Variants in ANKFN1 observed in about 807,000 individuals in gnomAD.
ANKFN1 encodes ankyrin repeat and fibronectin type-III domain-containing protein 1.
In ANKFN1, 74 loss-of-function variants were observed where a neutral mutation model predicts 108.7. The ratio of observed to expected loss-of-function variants is 0.68; its 90% confidence interval spans 0.56 to 0.83. The LOEUF is 0.83. ANKFN1 is among the 40% of genes least tolerant of loss of function. ANKFN1 has a pLI of 0.00. For synonymous variants in ANKFN1, 547 were observed against 516.2 expected (o/e 1.06, Z -0.81); for missense variants, 1,505 against 1,382.3 (o/e 1.09, Z -1.41).
intron 4 of ANKFN1, among the ~76,000 whole-genome samples, chr17:56,344,700 C>T (rs2046050600): frequency 6.6e-6 from 1 of 151,912 alleles, no homozygotes; most frequent in Admixed American, 6.6e-5. Flanking sequence ...GCTATTAGCC[C>T]TTCATGAGCT....
At chr17:56,338,481 G>C (rs540915077) in intron 4 of ANKFN1, among the ~76,000 whole-genome samples, 1 of 152,158 alleles carries the variant, frequency 6.6e-6, no homozygotes, top group East Asian at 1.9e-4. Context: ...TGTAATGATA[G>C]ACTTCAACCT....
At chr17:56,105,038 C>A (rs1442329852) in intron 4 of ANKFN1, among the ~76,000 whole-genome samples, 3 of 152,058 alleles carry the variant, frequency 2.0e-5, no homozygotes, top group Non-Finnish European at 2.9e-5. Context: ...TGGAGAATGA[C>A]AAATAGTTTA....
At chr17:56,399,429 A>AT (rs200485693) in intron 8 of ANKFN1, among the ~76,000 whole-genome samples, 21 of 147,454 alleles carry the variant, frequency 1.4e-4, no homozygotes, top group East Asian at 7.9e-4. Flanking sequence ...ACACAGGCTC[A>AT]TTTTTTTTTT....
intron 4 of ANKFN1, among the ~76,000 whole-genome samples, chr17:56,074,290 A>G (rs1238303376): frequency 1.3e-5 from 2 of 152,176 alleles, no homozygotes; most frequent in East Asian, 1.9e-4. Context: ...GACCCAGCGG[A>G]TATAACCTGC....
At position 56,513,234 on chromosome 17, in the gene ANKFN1, A is replaced by G. The variant is rs985841053; in HGVS notation, c.*1965A>G. ...GATTGTTATCTACAGGGAATCTCCTATTTTGTAGATCATCTACCTACTTCT... is the reference window on the plus strand; with the variant it reads ...GATTGTTATCTACAGGGAATCTCCTGTTTTGTAGATCATCTACCTACTTCT... On this transcript the variant is annotated 3_prime_UTR_variant, in exon 21 of 21. Coordinates refer to ENST00000682825, the MANE Select transcript of ANKFN1 (RefSeq NM_001370326.1). 3.3e-5 allele frequency among the ~76,000 whole-genome samples: 5 copies of G among 152,214 alleles called. No homozygotes were observed. The highest frequency in any genetic ancestry group is 1.2e-4 in the African/African-American group (5 of 41,460).
intron 3 of ANKFN1, among the ~76,000 whole-genome samples, chr17:56,284,181 C>G (rs2044158430): frequency 6.6e-6 from 1 of 152,148 alleles, no homozygotes; most frequent in Non-Finnish European, 1.5e-5. Flanking sequence ...ATTGATTTTC[C>G]TTAAAGCCCA....
chr17:56,431,907 C>T (rs967626963), intron 8 of ANKFN1, among the ~76,000 whole-genome samples: 3 of 152,186 alleles, frequency 2.0e-5, no homozygotes, highest in Non-Finnish European at 4.4e-5. Context: ...TTGCTCTGTT[C>T]CTTTAGGAAT....
rs545635879 is a variant in ANKFN1 at position 56,409,509 on chromosome 17, T to C, written c.911-30818T>C. 5.3e-5 allele frequency among the ~76,000 whole-genome samples: 8 copies of C among 152,328 alleles called. No individual in the cohort carries two copies. In the South Asian group the frequency reaches 1.2e-3, roughly 24 times the overall value. On this transcript the variant is annotated intron_variant, in intron 8 of 20. Transcript: ENST00000682825. Reference sequence around the variant, plus strand: ...CAACACGGAGATGACTTCTGGGACTTGGAGTTGAAGAACATCTCATACTAG... The same window carrying C: ...CAACACGGAGATGACTTCTGGGACTCGGAGTTGAAGAACATCTCATACTAG...
intron 5 of ANKFN1, among the ~76,000 whole-genome samples, 155 bp from the exon 6 acceptor site, chr17:56,353,679 CAG>C (rs747187408): frequency 1.3e-5 from 2 of 152,188 alleles, no homozygotes; most frequent in Admixed American, 1.3e-4. Context: ...GGAAGCCTAA[CAG>C]AGTGTTTACT....
intron 8 of ANKFN1, among the ~76,000 whole-genome samples, 200 bp from the exon 9 acceptor site, chr17:56,440,127 T>A (rs566262846): frequency 6.6e-6 from 1 of 152,336 alleles, no homozygotes; most frequent in East Asian, 1.9e-4. Context: ...TTTCTGCTCT[T>A]CTTTTAAAAA....
intron 1 of ANKFN1, among the ~76,000 whole-genome samples, chr17:56,158,280 G>C (rs9912078): frequency 0.14 from 21,809 of 152,050 alleles, 1,740 homozygotes; most frequent in East Asian, 0.28. Flanking sequence ...CTGAGTTCAA[G>C]TGGCATGACA....
At chr17:56,477,814 G>T (rs977858018) in intron 16 of ANKFN1, among the ~76,000 whole-genome samples, 160 bp downstream of exon 16, 37 of 150,956 alleles carry the variant, frequency 2.5e-4, no homozygotes, top group East Asian at 5.8e-4. Context: ...TAGTTTTGGG[G>T]TTTTTTTTTG....
intron 15 of ANKFN1, among the ~76,000 whole-genome samples, chr17:56,474,422 T>C (rs2145334836): frequency 6.6e-6 from 1 of 152,350 alleles, no homozygotes; most frequent in East Asian, 1.9e-4. Context: ...CCATGTTGAC[T>C]CCTCTTCAGT....
intron 3 of ANKFN1, among the ~76,000 whole-genome samples, chr17:56,249,632 C>A (rs1168821079): frequency 6.6e-6 from 1 of 152,036 alleles, no homozygotes; most frequent in South Asian, 2.1e-4. Flanking sequence ...GAATAGACAG[C>A]TAGACTTACC....
chr17:56,094,526 CTGCCA>C (rs1905486486), intron 4 of ANKFN1, among the ~76,000 whole-genome samples: 1 of 77,252 alleles, frequency 1.3e-5, no homozygotes, highest in Non-Finnish European at 2.0e-5. Context: ...TGTCGCCAGG[CTGCCA>C]GGCTGCCAGG....
chr17:56,345,513 T>G, intron 4 of ANKFN1, among the ~76,000 whole-genome samples: 1 of 152,168 alleles, frequency 6.6e-6, no homozygotes, highest in East Asian at 1.9e-4. Flanking sequence ...CCACCAACAG[T>G]GTAAAAGCAT....
Position 56,372,815 on chromosome 17 carries a change from C to T in ANKFN1, c.771C>T (p.Arg257=). 1 of 1,613,496 alleles carries T rather than the reference C, an allele frequency of 6.2e-7. No individual in the cohort carries two copies. The highest frequency in any genetic ancestry group is 1.1e-5 in the South Asian group (1 of 91,028). The change falls in exon 7 of 21, where the codon CGC becomes CGT. Residue 257 remains arginine, a synonymous_variant. Coordinates refer to ENST00000682825, the MANE Select transcript of ANKFN1 (RefSeq NM_001370326.1). ...AWEWRYRLYR[R]MKTGFEHARA... ...AGTGGAGGTATCGGCTCTACAGACG[C>T]ATGAAAACAGGCTTTGAGCATGCCA...
intron 19 of ANKFN1, among the ~76,000 whole-genome samples, chr17:56,496,371 T>C (rs149006593): frequency 1.3e-5 from 2 of 152,254 alleles, no homozygotes; most frequent in African/African-American, 4.8e-5. Flanking sequence ...CCTCCTAGGG[T>C]TGCTGTAACA....
At position 56,288,013 on chromosome 17, in the gene ANKFN1, C is replaced by T. The variant is rs139241608; in HGVS notation, c.54-38208C>T. On this transcript the variant is annotated intron_variant, in intron 3 of 20. Coordinates refer to ENST00000682825, the MANE Select transcript of ANKFN1 (RefSeq NM_001370326.1). ...ATTTAAATGTAACTGTGTATGTATC[C>T]GTTTCTGTGATGGTGGACCCAGAGT... Among the ~76,000 whole-genome samples the T allele has an allele frequency of 1.5e-3, 235 of 151,978 alleles. 2 individuals carry two copies. Among genetic ancestry groups the T allele is most frequent in the African/African-American group, 5.4e-3 (223 of 41,452 alleles).
Sources: gnomAD v4.1 joint callset for allele counts (sites outside exome capture counted in the v4.1 genomes callset) on GRCh38, gnomAD v4.1.1 for gene constraint, MANE v1.5 for transcripts, NCBI Gene and HGNC (gene_info 2026-07-23, HGNC 2026-07-21) for gene names.